The following NBPF14 variants were observed in gnomAD, a reference collection of about 807,000 sequenced individuals.
NBPF14 encodes the protein NBPF member 14, also known as NBPF family member NBPF14.
In NBPF14, 104 loss-of-function variants were observed where a neutral mutation model predicts 91.2. The observed-to-expected ratio is 1.14, with a 90% CI of 0.97 to 1.34. The LOEUF (loss-of-function observed/expected upper bound fraction) is 1.34. NBPF14 is among the 40% of genes most tolerant of loss of function. NBPF14 has a pLI of 0.00. For synonymous variants in NBPF14, 294 were observed against 303.8 expected (o/e 0.97, Z 0.34); for missense variants, 908 against 783.0 (o/e 1.16, Z -1.91).
chr1:148,561,893 C>T (rs1215906962), intron 34 of NBPF14, among the ~76,000 whole-genome samples: 1 of 129,266 alleles, frequency 7.7e-6, no homozygotes, highest in African/African-American at 4.0e-5. Flanking sequence ...GAGGGAGTAA[C>T]AGGACACTCT....
At chr1:148,535,287 GA>G (rs1487212777) in intron 68 of NBPF14, among the ~76,000 whole-genome samples, 165 bp downstream of exon 68, 2 of 149,906 alleles carry the variant, frequency 1.3e-5, no homozygotes, top group Non-Finnish European at 2.9e-5. Flanking sequence ...AGGGGAGGAA[GA>G]AATGGAAACC....
chr1:148,542,923 GACAC>G (rs1321026528), intron 58 of NBPF14, among the ~76,000 whole-genome samples, 197 bp from the exon 59 acceptor site: 881 of 17,332 alleles, frequency 0.051, no homozygotes, highest in Middle Eastern at 0.15. Flanking sequence ...AAGACAGATA[GACAC>G]ACACACACAC....
intron 39 of NBPF14, 146 bp from the exon 40 acceptor site, chr1:148,557,688 A>T (rs1395349201): frequency 4.8e-6 from 3 of 623,904 alleles, no homozygotes; most frequent in East Asian, 3.4e-5. Context: ...GAGGCCTGAA[A>T]GCTGGTCATG....
chr1:148,560,805 A>C, intron 35 of NBPF14, 113 bp from the exon 36 acceptor site: 3 of 32,476 alleles, frequency 9.2e-5, no homozygotes, highest in South Asian at 7.1e-4. Context: ...TAAGAATAGG[A>C]CACTGTGAGA....
In NBPF14 at chr1:148,595,571, G is replaced by C; in HGVS notation, c.147C>G (p.Gly49=). 2.5e-6 allele frequency: 4 copies of C among 1,583,312 alleles called. 1 individual carries two copies. Among genetic ancestry groups the C allele is most frequent in the Non-Finnish European group, 1.7e-6 (2 of 1,160,040 alleles). The change falls in exon 2 of 71, where the codon GGC becomes GGG. Residue 49 remains glycine, a synonymous_variant. Transcript: ENST00000619423. ...ATTTCTTCTGTTGGTTGGCCAGGAA[G>C]CCGGCCAGTTGAGTTAGAAAACATT...
In NBPF14 at chr1:148,559,773, C is replaced by A. The variant is rs1193590246; in HGVS notation, c.4729+20G>T. ...AGAAGACTCAGTGGATCCTTATCAC[C>A]TTCATAGAAAGGTACTCACCATCCA... On this transcript the variant is annotated intron_variant, in intron 37 of 70. Transcript: ENST00000619423. 7 of 1,402,588 alleles carry A rather than the reference C, an allele frequency of 5.0e-6. No homozygotes were observed. Among genetic ancestry groups the A allele is most frequent in the Non-Finnish European group, 6.8e-6 (7 of 1,031,196 alleles). 86.9% of individuals were successfully genotyped at this position (1,402,588 alleles called of 1,614,324 possible).
At chr1:148,534,885 A>C (rs1208812115) in intron 68 of NBPF14, 29 bp from the exon 69 acceptor site, 4 of 733,978 alleles carry the variant, frequency 5.4e-6, no homozygotes, top group Non-Finnish European at 7.4e-6. Context: ...GTAAAGAATA[A>C]GCCAGGGGGA....
rs376758020 is a variant in NBPF14, at chr1:148,561,849, C to T, written c.4275-270G>A. Among the ~76,000 whole-genome samples the T allele has an allele frequency of 2.2e-4, 29 of 132,664 alleles. 1 individual carries two copies. The highest frequency in any genetic ancestry group is 5.0e-4 in the Admixed American group (7 of 14,078). The allele number at this position is 132,664 out of a possible 152,430, so 87.0% of individuals were successfully genotyped here. On this transcript the variant is annotated intron_variant, in intron 34 of 70. Transcript: ENST00000619423. ...GAGAGAGAGAGAGAGAGAGAGAGAA[C>T]GAGCTCAGTGAATTGTCCAGGTGAC...
chr1:148,539,293 A>C lies in NBPF14; in HGVS notation c.7882+117T>G, dbSNP rs1466960013. ...TTCTTTACAACCTATATGCGCCCATAGGTCCTGACTGCGGCAATGACGTCT... is the reference window on the plus strand; with the variant it reads ...TTCTTTACAACCTATATGCGCCCATCGGTCCTGACTGCGGCAATGACGTCT... On this transcript the variant is annotated intron_variant, in intron 63 of 70. Transcript: ENST00000619423. 1.4e-5 allele frequency: 9 copies of C among 637,498 alleles called. 1 individual carries two copies. The highest frequency in any genetic ancestry group is 2.5e-5 in the Non-Finnish European group (9 of 361,376). The allele number at this position is 637,498 out of a possible 1,614,324, so 39.5% of individuals were successfully genotyped here. A position where few individuals can be genotyped will look rare whatever the true frequency, so the allele number is the denominator to read the frequency against.
rs1353166815 is a variant in NBPF14 at position 148,575,772 on chromosome 1, G to A, written c.2118C>T (p.Val706=). ...AACATCTATCCAGTGAGTCCTGCAA[G>A]ACTTCAGGCTCTTTCTCATCCAGCA... The change falls in exon 17 of 71, where the codon GTC becomes GTT. Residue 706 remains valine, a synonymous_variant. Coordinates refer to ENST00000619423, the Ensembl canonical transcript of NBPF14. The A allele has an allele frequency of 2.1e-3, 634 of 299,070 alleles. 8 individuals carry two copies. Among genetic ancestry groups the A allele is most frequent in the South Asian group, 3.9e-3 (168 of 43,270 alleles). The allele number at this position is 299,070 out of a possible 1,614,324, so 18.5% of individuals were successfully genotyped here. A position where few individuals can be genotyped will look rare whatever the true frequency, so the allele number is the denominator to read the frequency against.
chr1:148,557,693 G>T (rs1471149975), intron 39 of NBPF14, among the ~76,000 whole-genome samples, 151 bp from the exon 40 acceptor site: 1 of 130,042 alleles, frequency 7.7e-6, no homozygotes, highest in Non-Finnish European at 1.5e-5. Context: ...CTGAAAGCTG[G>T]TCATGATATT....
At position 148,575,664 on chromosome 1, in the gene NBPF14, G is replaced by T. The variant is rs1659578669; in HGVS notation, c.2226C>A (p.Tyr742Ter). 7 of 181,216 alleles carry T rather than the reference G, an allele frequency of 3.9e-5. No individual in the cohort carries two copies. The highest frequency in any genetic ancestry group is 1.9e-4 in the South Asian group (7 of 36,850). The allele number at this position is 181,216 out of a possible 1,614,324, so 11.2% of individuals were successfully genotyped here. Residue 742 changes from tyrosine to a stop codon, truncating the protein, a stop_gained, in exon 17 of 71, where the codon TAC (tyrosine) becomes TAA (stop). Coordinates refer to ENST00000619423, the Ensembl canonical transcript of NBPF14. LOFTEE classifies it high-confidence loss of function. ...TGTCCACGTCAAGAGCCAAGCCAAG[G>T]TACTGTTCCTCCAATGAGTAAACAG... is the stretch of plus-strand genomic sequence containing the variant.
intron 6 of NBPF14, among the ~76,000 whole-genome samples, chr1:148,590,139 C>T (rs1360690446): frequency 2.9e-5 from 4 of 136,928 alleles, no homozygotes; most frequent in African/African-American, 1.1e-4. Context: ...AGCTCCGGTT[C>T]CTGGGTTCAT....
At chr1:148,572,474 T>A in exon 21 of NBPF14, 1 of 551,042 alleles carries the variant, frequency 1.8e-6, no homozygotes, top group East Asian at 3.0e-5. Flanking sequence ...CAAGGTACTG[T>A]TCCTCCAATG....
chr1:148,557,755 C>T (rs1418650537), intron 39 of NBPF14, among the ~76,000 whole-genome samples: 2 of 125,114 alleles, frequency 1.6e-5, no homozygotes, highest in Non-Finnish European at 3.2e-5. Flanking sequence ...TCTGGTAGAT[C>T]GTTATCCCAA....
exon 71 of NBPF14, chr1:148,532,355 AC>A (rs1376529840): frequency 6.2e-6 from 1 of 161,618 alleles, no homozygotes; most frequent in Non-Finnish European, 1.4e-5. Context: ...CCTGACCTCT[AC>A]AGGATGGAAT....
chr1:148,585,200 ATCGTTG>A, exon 10 of NBPF14: 1 of 1,585,558 alleles, frequency 6.3e-7, no homozygotes, highest in Admixed American at 1.7e-5. Context: ...CTTCATCGTC[ATCGTTG>A]TCATTTTCTG....
In NBPF14 at chr1:148,588,770, T is replaced by G. The variant is rs1486176245; in HGVS notation, c.988+414A>C. 2.6e-5 allele frequency among the ~76,000 whole-genome samples: 4 copies of G among 151,694 alleles called. No individual in the cohort carries two copies. In the East Asian group the frequency reaches 7.7e-4, roughly 29 times the overall value. ...CCCTCAGAGTCACTAGAACAGAGCT[T>G]TGCCTGTTGGGCCTCAACAGAAACT... On this transcript the variant is annotated intron_variant, in intron 7 of 70. Transcript: ENST00000619423.
intron 59 of NBPF14, among the ~76,000 whole-genome samples, 194 bp from the exon 60 acceptor site, chr1:148,542,033 T>G: frequency 1.8e-5 from 1 of 54,474 alleles, no homozygotes; most frequent in Non-Finnish European, 2.7e-5. Context: ...AAACTGTGGG[T>G]AAAATGTCCC....
Sources: gnomAD v4.1 joint callset for allele counts (sites outside exome capture counted in the v4.1 genomes callset) on GRCh38, gnomAD v4.1.1 for gene constraint, MANE v1.5 for transcripts, NCBI Gene and HGNC (gene_info 2026-07-23, HGNC 2026-07-21) for gene names.